EIF2D: variants seen among roughly 807,000 people sequenced by gnomAD.
EIF2D encodes eukaryotic translation initiation factor 2D.
In EIF2D, 56 loss-of-function variants were observed where a neutral mutation model predicts 77.4. The observed-to-expected ratio is 0.72, with a 90% confidence interval of 0.58 to 0.90. The LOEUF is 0.90. EIF2D is among the 40% of genes least tolerant of loss of function. The probability of loss-of-function intolerance (pLI) is 0.00; values close to 1 mark genes in which losing one functional copy is unlikely to be tolerated. For synonymous variants in EIF2D, 230 were observed against 271.0 expected, an observed-to-expected ratio of 0.85 and a Z score of 1.49; for missense variants, 574 against 706.5, an observed-to-expected ratio of 0.81 and a Z score of 2.13.
intron 13 of EIF2D, 47 bp from the exon 14 acceptor site, chr1:206,593,840 C>T: frequency 6.5e-7 from 1 of 1,550,096 alleles, no homozygotes; most frequent in African/African-American, 1.4e-5. Flanking sequence ...ACTGCATTCC[C>T]TTCCCTCCAG....
At chr1:206,576,419 C>T (rs1301838018) in intron 4 of EIF2D, among the ~76,000 whole-genome samples, 7 of 152,280 alleles carry the variant, frequency 4.6e-5, no homozygotes, top group African/African-American at 1.7e-4. Context: ...CTCCTCATTG[C>T]AGAATGGAGT....
At chr1:206,575,436 T>C (rs545137584) in intron 4 of EIF2D, among the ~76,000 whole-genome samples, 1 of 152,182 alleles carries the variant, frequency 6.6e-6, no homozygotes, top group Non-Finnish European at 1.5e-5. Flanking sequence ...GTTGTGTGTG[T>C]TAAGAATGCG....
chr1:206,596,260 C>G (rs1381891711), intron 12 of EIF2D, among the ~76,000 whole-genome samples: 1 of 151,962 alleles, frequency 6.6e-6, no homozygotes, highest in African/African-American at 2.4e-5. Flanking sequence ...ACTTTTACCA[C>G]GAGGAGTTTC....
At chr1:206,581,554 G>A (rs529123845) in intron 2 of EIF2D, among the ~76,000 whole-genome samples, 3 of 152,080 alleles carry the variant, frequency 2.0e-5, no homozygotes, top group Admixed American at 6.5e-5. Flanking sequence ...AGCCAAGATC[G>A]TGCCACTGCA....
intron 2 of EIF2D, chr1:206,583,625 CCT>C: frequency 2.1e-6 from 1 of 481,078 alleles, no homozygotes. Context: ...TTTAACTCCT[CCT>C]CTGAGCTTCA....
Position 206,599,058 on chromosome 1 carries a change from T to A in EIF2D, c.1237A>T (p.Thr413Ser). 6.2e-7 allele frequency: 1 copy of A among 1,614,172 alleles called. No individual in the cohort carries two copies. Among genetic ancestry groups the A allele is most frequent in the Non-Finnish European group, 8.5e-7 (1 of 1,180,022 alleles). The stretch of plus-strand genomic sequence containing the variant: ...TTCTTGGCGTAGTTAATGACGATCG[T>A]TCGGACCTCACTGCCCTCCAGAAAG... ...GSFLEGSEVR[T>S]IVINYAKKND... The change falls in exon 11 of 15, where the codon ACG becomes TCG. Residue 413 changes from threonine (T) to serine (S), a missense_variant. Thr to Ser is a moderately conservative substitution (Grantham distance 58). Transcript: ENST00000271764. The surrounding 1 kb of genome is among the most constrained non-coding windows in gnomAD (Gnocchi z 4.1).
chr1:206,600,248 A>AAGATCC lies in EIF2D; in HGVS notation c.948+9_948+14dup. On this transcript the variant is annotated intron_variant, in intron 8 of 14. Coordinates refer to ENST00000271764, the MANE Select transcript of EIF2D (RefSeq NM_006893.3). ...CAACTCTCTGCATGGGTCTGCAAAG[A>AAGATCC]AGATCCTTGCTTACCTTTTTGTAGC... 6.2e-7 allele frequency: 1 copy of AAGATCC among 1,613,682 alleles called. No individual in the cohort carries two copies.
intron 2 of EIF2D, among the ~76,000 whole-genome samples, chr1:206,610,336 T>C (rs1257393718): frequency 6.6e-6 from 1 of 152,094 alleles, no homozygotes; most frequent in African/African-American, 2.4e-5. Flanking sequence ...CCGAGCAACA[T>C]AGTGAGACCT....
intron 8 of EIF2D, among the ~76,000 whole-genome samples, 196 bp from the exon 9 acceptor site, chr1:206,600,032 C>T (rs934804432): frequency 1.3e-5 from 2 of 152,114 alleles, no homozygotes; most frequent in African/African-American, 4.8e-5. Flanking sequence ...ACCAGTGAGG[C>T]CGTTCAGAAC....
chr1:206,607,326 A>G lies in EIF2D; in HGVS notation c.422+910T>C, dbSNP rs891937859. Among the ~76,000 whole-genome samples, 5 of 152,370 alleles carry G rather than the reference A, an allele frequency of 3.3e-5. No individual in the cohort carries two copies. The East Asian group carries it at 9.6e-4, about 29-fold the overall frequency. ...CTAAGCCATGTATTTTTATACGCAC[A>G]TGTATATATGTGTAGGACAATGACA... On this transcript the variant is annotated intron_variant, in intron 4 of 14. Coordinates refer to ENST00000271764, the MANE Select transcript of EIF2D (RefSeq NM_006893.3).
intron 2 of EIF2D, chr1:206,583,278 A>G (rs1553406753): frequency 1.2e-6 from 2 of 1,610,154 alleles, no homozygotes; most frequent in Non-Finnish European, 1.7e-6. Context: ...GAATGTCTGT[A>G]AACCTGTGGA....
At chr1:206,591,573 T>C, downstream of EIF2D, 1 of 604,254 alleles carries the variant, frequency 1.7e-6, no homozygotes, top group East Asian at 2.8e-5. Context: ...CTTCTGTCCA[T>C]TTAGAATACT....
At chr1:206,607,603 G>A (rs962674639) in intron 4 of EIF2D, among the ~76,000 whole-genome samples, 1 of 151,952 alleles carries the variant, frequency 6.6e-6, no homozygotes. Flanking sequence ...TATGTAAACT[G>A]TATCTCAATA....
chr1:206,584,394 A>G lies in EIF2D; in HGVS notation c.139-3232T>C. 6.2e-7 allele frequency: 1 copy of G among 1,611,126 alleles called. No individual in the cohort carries two copies. Among genetic ancestry groups the G allele is most frequent in the Non-Finnish European group, 8.5e-7 (1 of 1,178,030 alleles). On this transcript the variant is annotated intron_variant and NMD_transcript_variant, in intron 2 of 5. Transcript: ENST00000472709. This position sits in a 1 kb window ranked among gnomAD's most constrained non-coding sequence, Gnocchi z 4.9. ...ACATGCCCCCGCTGGCAGAGTGAAG[A>G]CGGCACCTACACGGGTTTCATCAAA...
At position 206,579,322 on chromosome 1, in the gene EIF2D, T is replaced by C. The variant is rs1456125557; in HGVS notation, c.*254+1370A>G. On this transcript the variant is annotated intron_variant and NMD_transcript_variant, in intron 4 of 5. Coordinates refer to the EIF2D transcript ENST00000472709. This position sits in a 1 kb window ranked among gnomAD's most constrained non-coding sequence, Gnocchi z 4.2. ...GCCAATGTCTATATTTGTTAAATCA[T>C]AACAGAGTTCCCTATTCTGTCTCTA... Among the ~76,000 whole-genome samples, 1 of 152,206 alleles carries C rather than the reference T, an allele frequency of 6.6e-6. No homozygotes were observed. The highest frequency in any genetic ancestry group is 1.9e-4 in the East Asian group (1 of 5,200).
rs532613215 is a variant in EIF2D at position 206,595,887 on chromosome 1, T to C, written c.1389-49A>G. 27 of 1,604,804 alleles carry C rather than the reference T, an allele frequency of 1.7e-5. 1 individual carries two copies. The South Asian group carries it at 2.0e-4, about 12-fold the overall frequency. On this transcript the variant is annotated intron_variant, in intron 12 of 14. Transcript: ENST00000271764. ...AAACTGATAAAGCCAACAGAAACCATTTCCTCATACCCCACTACCAGCAGG... is the reference window on the plus strand; with the variant it reads ...AAACTGATAAAGCCAACAGAAACCACTTCCTCATACCCCACTACCAGCAGG...
chr1:206,586,562 T>G, intron 2 of EIF2D: 2 of 334,508 alleles, frequency 6.0e-6, no homozygotes, highest in Non-Finnish European at 5.6e-6. Context: ...CACAGAAACT[T>G]AAGATTATTG....
Position 206,584,367 on chromosome 1 carries a change from T to A in EIF2D, c.139-3205A>T. ...CAAGGCGGACGGCCCTGACCCCCTG[T>A]GACATGCCCCCGCTGGCAGAGTGAA... On this transcript the variant is annotated intron_variant and NMD_transcript_variant, in intron 2 of 5. Transcript: ENST00000472709. This position sits in a 1 kb window ranked among gnomAD's most constrained non-coding sequence, Gnocchi z 4.9. 6.3e-7 allele frequency: 1 copy of A among 1,596,462 alleles called. No homozygotes were observed. The highest frequency in any genetic ancestry group is 8.5e-7 in the Non-Finnish European group (1 of 1,170,362).
At chr1:206,570,767 A>G (rs1391453490), downstream of EIF2D, among the ~76,000 whole-genome samples, 1 of 152,080 alleles carries the variant, frequency 6.6e-6, no homozygotes, top group Non-Finnish European at 1.5e-5. Context: ...ATTCCATTGT[A>G]TGGACACAAC....
Sources: allele counts gnomAD v4.1 joint callset (sites outside exome capture counted in the v4.1 genomes callset), GRCh38; gene constraint gnomAD v4.1.1; non-coding constraint Gnocchi (gnomAD v3.1); transcripts MANE v1.5; gene names NCBI Gene and HGNC (gene_info 2026-07-23, HGNC 2026-07-21).